BABAM2: variants seen among roughly 807,000 people sequenced by gnomAD.
The protein encoded by BABAM2 is BRISC and BRCA1-A complex member 2.
A neutral mutation model predicts 54.7 loss-of-function variants in BABAM2; 31 were observed. That is an observed-to-expected ratio of 0.57 (90% CI 0.43 to 0.77). The LOEUF is 0.77. Among genes scored for constraint, BABAM2 ranks in the 30% least tolerant of loss-of-function variants. The pLI is 0.00. For missense variants in BABAM2, 364 were observed against 455.8 expected (o/e 0.80, Z 1.83); for synonymous variants, 167 against 162.9 (o/e 1.03, Z -0.19).
intron 6 of BABAM2, among the ~76,000 whole-genome samples, chr2:28,090,276 C>T (rs958938376): frequency 8.5e-5 from 13 of 152,124 alleles, no homozygotes; most frequent in Non-Finnish European, 1.6e-4. Flanking sequence ...GATGGAGTCT[C>T]GCTCCGTCGC....
chr2:28,008,754 G>T (rs1443492739), intron 4 of BABAM2, among the ~76,000 whole-genome samples: 1 of 152,118 alleles, frequency 6.6e-6, no homozygotes, highest in Non-Finnish European at 1.5e-5. Context: ...GGGGTGATGG[G>T]ATCTCACAGA....
At chr2:28,249,757 T>G (rs1683269686) in intron 10 of BABAM2, among the ~76,000 whole-genome samples, 1 of 151,892 alleles carries the variant, frequency 6.6e-6, no homozygotes, top group African/African-American at 2.4e-5. Flanking sequence ...CCTCCCACCT[T>G]AGCCTCCCAA....
chr2:28,107,415 C>T (rs1034684552), intron 6 of BABAM2, among the ~76,000 whole-genome samples: 3 of 152,164 alleles, frequency 2.0e-5, no homozygotes, highest in Admixed American at 1.3e-4. Flanking sequence ...AGGCTGTTTA[C>T]GCTCTGGCCC....
chr2:28,195,501 G>A (rs1677425503), intron 7 of BABAM2, among the ~76,000 whole-genome samples: 1 of 152,176 alleles, frequency 6.6e-6, no homozygotes, highest in South Asian at 2.1e-4. Context: ...AAGGACATGA[G>A]GACAGTGTAA....
chr2:27,898,104 C>G (rs1665487413), intron 2 of BABAM2, among the ~76,000 whole-genome samples: 1 of 152,168 alleles, frequency 6.6e-6, no homozygotes. Context: ...TTCAGAGTAA[C>G]TCTTCAGGTT....
At chr2:28,184,505 T>C (rs1443407163) in intron 7 of BABAM2, among the ~76,000 whole-genome samples, 1 of 122,416 alleles carries the variant, frequency 8.2e-6, no homozygotes, top group African/African-American at 3.0e-5. Flanking sequence ...CAGGCCCCGG[T>C]ATGTGATGTT....
At chr2:28,068,684 A>T (rs1663845839) in intron 6 of BABAM2, among the ~76,000 whole-genome samples, 1 of 152,242 alleles carries the variant, frequency 6.6e-6, no homozygotes, top group Admixed American at 6.5e-5. Context: ...ACTGTGCAGA[A>T]TGAGCTCTTC....
intron 7 of BABAM2, among the ~76,000 whole-genome samples, chr2:28,175,820 T>A (rs187727826): frequency 2.7e-4 from 41 of 152,320 alleles, no homozygotes; most frequent in African/African-American, 6.7e-4. Flanking sequence ...ACTCATACAC[T>A]GCCCAGGGGC....
intron 6 of BABAM2, among the ~76,000 whole-genome samples, chr2:28,089,777 A>G (rs1666001889): frequency 6.6e-6 from 1 of 152,210 alleles, no homozygotes; most frequent in Admixed American, 6.5e-5. Context: ...TTTTGTATTC[A>G]GTGCAGTAAA....
Position 27,965,895 on chromosome 2 carries a change from C to T in BABAM2, c.206-22098C>T, listed in dbSNP as rs192752499. On this transcript the variant is annotated intron_variant, in intron 3 of 11. Coordinates refer to ENST00000379624, the MANE Select transcript of BABAM2 (RefSeq NM_199191.3). ...TCTTCTCTTGGTTCTCATTTCTTTG[C>T]CTTCTCTTCATTATTTTTTTCTGTC... Among the ~76,000 whole-genome samples the T allele has an allele frequency of 2.3e-3, 354 of 151,146 alleles. 1 individual carries two copies. The highest frequency in any genetic ancestry group is 3.9e-3 in the Non-Finnish European group (266 of 67,756).
chr2:28,102,739 C>T (rs187229651), intron 6 of BABAM2, among the ~76,000 whole-genome samples: 4 of 152,170 alleles, frequency 2.6e-5, no homozygotes, highest in Admixed American at 1.3e-4. Context: ...TTACAATGTG[C>T]GAACAGACAA....
At chr2:27,984,165 TTTA>T in intron 3 of BABAM2, among the ~76,000 whole-genome samples, 1 of 152,004 alleles carries the variant, frequency 6.6e-6, no homozygotes, top group South Asian at 2.1e-4. Context: ...TAGCATGTTA[TTTA>T]TTTTTAGAAT....
intron 3 of BABAM2, among the ~76,000 whole-genome samples, chr2:27,963,824 C>T (rs561488819): frequency 2.0e-5 from 3 of 152,256 alleles, no homozygotes; most frequent in African/African-American, 7.2e-5. Flanking sequence ...TTTTATTCAA[C>T]ATTTTTCTGA....
Position 28,311,644 on chromosome 2 carries a change from G to A in BABAM2, c.1088+13153G>A, listed in dbSNP as rs569220797. 2.0e-3 allele frequency among the ~76,000 whole-genome samples: 302 copies of A among 152,270 alleles called. 1 individual carries two copies. The highest frequency in any genetic ancestry group is 3.5e-3 in the South Asian group (17 of 4,822). The stretch of plus-strand genomic sequence containing the variant: ...TCCTTCGTGATCATGGAAAAGACAC[G>A]TCACCTTTCTGGACTTCAGTACCTT... On this transcript the variant is annotated intron_variant, in intron 11 of 11. Transcript: ENST00000379624.
At chr2:28,177,707 A>AG (rs1491436774) in intron 7 of BABAM2, among the ~76,000 whole-genome samples, 24 of 79,398 alleles carry the variant, frequency 3.0e-4, no homozygotes, top group South Asian at 2.5e-3. Context: ...CTGAATGGAC[A>AG]AAAAAAAAAA....
intron 7 of BABAM2, among the ~76,000 whole-genome samples, chr2:28,214,780 GT>G (rs879819247): frequency 1.9e-4 from 27 of 145,170 alleles, no homozygotes; most frequent in East Asian, 2.0e-4. Flanking sequence ...GTTTGCTGAA[GT>G]TTTTTTTTTT....
At chr2:27,968,201 C>T (rs1558625319) in intron 3 of BABAM2, among the ~76,000 whole-genome samples, 1 of 152,200 alleles carries the variant, frequency 6.6e-6, no homozygotes, top group Non-Finnish European at 1.5e-5. Context: ...GGGCTGGGCC[C>T]AGGGTCCCTG....
intron 7 of BABAM2, among the ~76,000 whole-genome samples, chr2:28,165,856 G>C (rs914810239): frequency 6.6e-6 from 1 of 152,136 alleles, no homozygotes; most frequent in Non-Finnish European, 1.5e-5. Flanking sequence ...CTTTTAAGCA[G>C]AGAAAATGCT....
At chr2:28,235,295 G>T (rs1681799540) in intron 7 of BABAM2, among the ~76,000 whole-genome samples, 1 of 151,888 alleles carries the variant, frequency 6.6e-6, no homozygotes, top group South Asian at 2.1e-4. Flanking sequence ...TCCTGCCTCA[G>T]CCTCCCAAGT....
Sources: allele counts gnomAD v4.1 joint callset (sites outside exome capture counted in the v4.1 genomes callset), GRCh38; gene constraint gnomAD v4.1.1; transcripts MANE v1.5; gene names NCBI Gene and HGNC (gene_info 2026-07-23, HGNC 2026-07-21).